Variants in PDE4D observed in about 807,000 individuals in gnomAD.
PDE4D encodes 3',5'-cyclic-AMP phosphodiesterase 4D.
In PDE4D, 24 loss-of-function variants were observed where a neutral mutation model predicts 87.4. The observed-to-expected ratio is 0.27, with a 90% CI of 0.20 to 0.39. The LOEUF is 0.39. Among genes scored for constraint, PDE4D ranks in the 10% least tolerant of loss-of-function variants. The pLI, the probability that PDE4D is intolerant of heterozygous loss-of-function variation, is 1.00. For synonymous variants in PDE4D, 384 were observed against 383.2 expected (o/e 1.00, Z -0.02); for missense variants, 714 against 1,041.0 (o/e 0.69, Z 4.32).
At chr5:59,816,152 T>A (rs888180747) in intron 1 of PDE4D, among the ~76,000 whole-genome samples, 2 of 152,244 alleles carry the variant, frequency 1.3e-5, no homozygotes, top group Non-Finnish European at 2.9e-5. Context: ...TTATGAAGTA[T>A]TTTATATATG....
intron 1 of PDE4D, chr5:59,768,219 A>T: frequency 6.3e-7 from 1 of 1,593,730 alleles, no homozygotes; most frequent in Non-Finnish European, 8.5e-7. Flanking sequence ...AACGGCCACC[A>T]TTTCTGCGAG....
intron 1 of PDE4D, among the ~76,000 whole-genome samples, chr5:59,688,302 T>G (rs913992671): frequency 3.4e-4 from 51 of 152,190 alleles, no homozygotes; most frequent in Admixed American, 2.0e-3. Context: ...ATTCCAAAAT[T>G]GACCATATAG....
upstream of PDE4D, among the ~76,000 whole-genome samples, chr5:60,488,648 C>T (rs1428659333): frequency 1.3e-5 from 2 of 151,992 alleles, no homozygotes; most frequent in East Asian, 1.9e-4. Context: ...ACAGGATTTT[C>T]CAGAACAGTT....
At chr5:59,901,380 A>G (rs1436992077) in intron 3 of PDE4D, among the ~76,000 whole-genome samples, 1 of 152,196 alleles carries the variant, frequency 6.6e-6, no homozygotes, top group Non-Finnish European at 1.5e-5. Flanking sequence ...TTAGAATAGT[A>G]TTATAGTATT....
At chr5:59,988,026 T>G (rs975505272) in intron 3 of PDE4D, 1 of 152,864 alleles carries the variant, frequency 6.5e-6, no homozygotes, top group African/African-American at 2.4e-5. Context: ...AAAGGCAAAA[T>G]TTTTAGACTC....
At chr5:60,465,629 A>C (rs1035197496) in intron 1 of PDE4D, among the ~76,000 whole-genome samples, 2 of 152,186 alleles carry the variant, frequency 1.3e-5, no homozygotes. Flanking sequence ...TCAATATCTG[A>C]TATTATAATT....
chr5:59,895,751 C>T (rs1751568203), upstream of PDE4D, among the ~76,000 whole-genome samples: 1 of 152,298 alleles, frequency 6.6e-6, no homozygotes, highest in East Asian at 1.9e-4. Flanking sequence ...TGGCAAAATA[C>T]CTCTATCCGA....
At chr5:58,980,391 T>C (rs559394784) in intron 11 of PDE4D, among the ~76,000 whole-genome samples, 5 of 152,276 alleles carry the variant, frequency 3.3e-5, no homozygotes, top group African/African-American at 7.2e-5. Context: ...AAGTACCTTA[T>C]AGAGGTGAAA....
chr5:60,191,128 G>A (rs140775713), intron 1 of PDE4D, among the ~76,000 whole-genome samples: 60 of 152,096 alleles, frequency 3.9e-4, no homozygotes, highest in African/African-American at 1.3e-3. Flanking sequence ...CCCCTACTGC[G>A]CCAAGTCACA....
intron 1 of PDE4D, among the ~76,000 whole-genome samples, chr5:59,878,941 C>G (rs1749023618): frequency 7.3e-6 from 1 of 136,744 alleles, no homozygotes; most frequent in Non-Finnish European, 1.5e-5. Flanking sequence ...CTCTGTCGCC[C>G]AGGCTGGAAT....
chr5:59,277,724 CT>C (rs1400794200), intron 1 of PDE4D, among the ~76,000 whole-genome samples: 1 of 152,140 alleles, frequency 6.6e-6, no homozygotes, highest in African/African-American at 2.4e-5. Flanking sequence ...AGCCTGTGTT[CT>C]ACCGTCCCCC....
At chr5:58,993,648 A>C (rs1748459532) in intron 6 of PDE4D, among the ~76,000 whole-genome samples, 183 bp from the exon 7 acceptor site, 1 of 152,180 alleles carries the variant, frequency 6.6e-6, no homozygotes, top group Non-Finnish European at 1.5e-5. Flanking sequence ...GGTGCTGCCA[A>C]TTATAGCAGT....
rs935687919 is a variant in PDE4D at position 59,976,108 on chromosome 5, C to T, written c.272+12380G>A. On this transcript the variant is annotated intron_variant, in intron 3 of 16. Coordinates refer to the PDE4D transcript ENST00000502484. The stretch of plus-strand genomic sequence containing the variant: ...CAGTATACAGCAAATATCAGACTCT[C>T]ACTATTTGTTGGTTGAATATAAAGT... Among the ~76,000 whole-genome samples, 12 of 152,128 alleles carry T rather than the reference C, an allele frequency of 7.9e-5. No individual in the cohort carries two copies. In the East Asian group the frequency reaches 1.2e-3, roughly 15 times the overall value.
chr5:59,080,093 C>A (rs1766468589), intron 5 of PDE4D, among the ~76,000 whole-genome samples: 1 of 152,134 alleles, frequency 6.6e-6, no homozygotes, highest in Non-Finnish European at 1.5e-5. Flanking sequence ...AGTCTGTGGT[C>A]AGTGAAAGTG....
At chr5:59,686,470 T>A (rs932659153) in intron 1 of PDE4D, among the ~76,000 whole-genome samples, 1 of 152,164 alleles carries the variant, frequency 6.6e-6, no homozygotes, top group Admixed American at 6.6e-5. Flanking sequence ...TTATGCTATA[T>A]TGCCAAAACC....
intron 1 of PDE4D, among the ~76,000 whole-genome samples, chr5:59,612,011 A>G (rs1334173864): frequency 6.6e-6 from 1 of 152,184 alleles, no homozygotes; most frequent in Admixed American, 6.5e-5. Context: ...GAGGTCAGAA[A>G]CTATGATTTT....
At chr5:60,308,626 A>G (rs1754718363) in intron 1 of PDE4D, among the ~76,000 whole-genome samples, 1 of 152,234 alleles carries the variant, frequency 6.6e-6, no homozygotes, top group East Asian at 1.9e-4. Flanking sequence ...GCAAAATTTG[A>G]TCAAAGTGCA....
At chr5:59,372,187 G>A (rs1784042779) in intron 1 of PDE4D, among the ~76,000 whole-genome samples, 1 of 152,244 alleles carries the variant, frequency 6.6e-6, no homozygotes, top group Non-Finnish European at 1.5e-5. Flanking sequence ...CCTACCCAAT[G>A]GACAACAGAA....
intron 2 of PDE4D, among the ~76,000 whole-genome samples, chr5:60,123,737 A>G (rs1256284663): frequency 6.6e-6 from 1 of 152,176 alleles, no homozygotes; most frequent in Non-Finnish European, 1.5e-5. Flanking sequence ...GTTATTTTAT[A>G]AATAAATATA....
Sources: allele counts gnomAD v4.1 joint callset (sites outside exome capture counted in the v4.1 genomes callset), GRCh38; gene constraint gnomAD v4.1.1; transcripts MANE v1.5; gene names NCBI Gene and HGNC (gene_info 2026-07-23, HGNC 2026-07-21).